Variants in TRAPPC9 observed in about 807,000 individuals in gnomAD.
The protein encoded by TRAPPC9 is IKK2 binding protein.
TRAPPC9 carries 83 observed loss-of-function variants against 124.0 expected under a neutral mutation model. That is an observed-to-expected ratio of 0.67 (90% CI 0.56 to 0.80). The LOEUF (loss-of-function observed/expected upper bound fraction) is 0.80, where lower values mean the gene tolerates loss of function less well. TRAPPC9 is among the 30% of genes least tolerant of loss of function. The pLI, the probability that TRAPPC9 is intolerant of heterozygous loss-of-function variation, is 0.00. For missense variants in TRAPPC9, 1,302 were observed against 1,508.3 expected (o/e 0.86, Z 2.27); for synonymous variants, 638 against 617.5 (o/e 1.03, Z -0.49).
chr8:140,165,964 C>T (rs1357263300), intron 17 of TRAPPC9, among the ~76,000 whole-genome samples: 1 of 152,150 alleles, frequency 6.6e-6, no homozygotes, highest in African/African-American at 2.4e-5. Context: ...CATGATCCTG[C>T]CTCCCTCGAT....
rs2067437682 is a variant in TRAPPC9 at position 140,349,001 on chromosome 8, C to T, written c.1495+11049G>A. Reference sequence around the variant, plus strand: ...ACTGTTGACAGACAGAAAAAGAGGACAGGAAATGACTCCTGCTTTGGAAAC... The same window carrying T: ...ACTGTTGACAGACAGAAAAAGAGGATAGGAAATGACTCCTGCTTTGGAAAC... On this transcript the variant is annotated intron_variant, in intron 9 of 22. Coordinates refer to ENST00000438773, the MANE Select transcript of TRAPPC9 (RefSeq NM_001160372.4). Among the ~76,000 whole-genome samples the T allele has an allele frequency of 2.0e-5, 3 of 149,416 alleles. No homozygotes were observed. The Admixed American group carries it at 2.0e-4, about 10-fold the overall frequency.
chr8:139,972,675 T>G (rs1187786957), intron 19 of TRAPPC9, among the ~76,000 whole-genome samples: 2 of 152,178 alleles, frequency 1.3e-5, no homozygotes, highest in African/African-American at 4.8e-5. Context: ...ACAGGTGCTG[T>G]GGCCAAAGTA....
At chr8:140,457,878 G>A (rs1050968517), upstream of TRAPPC9, 1 of 1,051,560 alleles carries the variant, frequency 9.5e-7, no homozygotes, top group Non-Finnish European at 1.2e-6. Flanking sequence ...GGAGGAGCGA[G>A]GGAGAGAAGA....
intron 17 of TRAPPC9, among the ~76,000 whole-genome samples, chr8:140,103,270 C>A (rs1424288307): frequency 2.6e-5 from 4 of 152,166 alleles, no homozygotes; most frequent in Admixed American, 1.3e-4. Context: ...ATTATCGGGG[C>A]AAATATTTAC....
chr8:140,146,771 T>C (rs910083303), intron 17 of TRAPPC9, among the ~76,000 whole-genome samples: 2 of 150,778 alleles, frequency 1.3e-5, no homozygotes, highest in Non-Finnish European at 1.5e-5. Flanking sequence ...CAGTGTCCCA[T>C]GGGCCAGGCT....
rs903235417 is a variant in TRAPPC9, at chr8:140,391,774, C to A, written c.1134+5846G>T. ...GGGCATGGTGGCTCACGCCTGTAATCCCAGCACTTTGGGAGGCCAAGGCAG... is the reference window on the plus strand; with the variant it reads ...GGGCATGGTGGCTCACGCCTGTAATACCAGCACTTTGGGAGGCCAAGGCAG... On this transcript the variant is annotated intron_variant, in intron 7 of 22. Transcript: ENST00000438773. 2.0e-4 allele frequency among the ~76,000 whole-genome samples: 30 copies of A among 150,748 alleles called. 1 individual carries two copies. Among genetic ancestry groups the A allele is most frequent in the African/African-American group, 7.1e-4 (29 of 40,946 alleles).
chr8:140,328,327 A>G (rs558680732), intron 9 of TRAPPC9, among the ~76,000 whole-genome samples: 82 of 152,188 alleles, frequency 5.4e-4, no homozygotes, highest in Non-Finnish European at 7.3e-4. Context: ...ACAAGCTCAA[A>G]AAAAGGAAAA....
At chr8:140,424,551 G>T (rs1391132888) in intron 5 of TRAPPC9, among the ~76,000 whole-genome samples, 1 of 151,266 alleles carries the variant, frequency 6.6e-6, no homozygotes, top group African/African-American at 2.4e-5. Flanking sequence ...TGGCAGAATT[G>T]CCTGGAGTTC....
chr8:139,976,053 G>A (rs542292788), intron 19 of TRAPPC9, among the ~76,000 whole-genome samples: 8 of 144,842 alleles, frequency 5.5e-5, no homozygotes, highest in African/African-American at 1.3e-4. Flanking sequence ...CACCTCGCCC[G>A]GCTAATTTTT....
chr8:140,088,916 C>T (rs568716189), intron 17 of TRAPPC9, among the ~76,000 whole-genome samples: 17 of 152,284 alleles, frequency 1.1e-4, no homozygotes, highest in Non-Finnish European at 1.9e-4. Context: ...TCTTTCTCAG[C>T]ACACGTAAAT....
At chr8:139,746,912 G>C (rs1818933613) in intron 21 of TRAPPC9, among the ~76,000 whole-genome samples, 2 of 152,198 alleles carry the variant, frequency 1.3e-5, no homozygotes, top group African/African-American at 4.8e-5. Flanking sequence ...GGCTCATGGA[G>C]ACAATGACTA....
chr8:139,757,687 A>C (rs1038612253), intron 21 of TRAPPC9, among the ~76,000 whole-genome samples: 3 of 152,022 alleles, frequency 2.0e-5, no homozygotes, highest in African/African-American at 7.3e-5. Context: ...GGCATCATTC[A>C]CTTCTGACGC....
chr8:139,779,785 A>C (rs908872050), intron 21 of TRAPPC9, among the ~76,000 whole-genome samples: 6 of 140,524 alleles, frequency 4.3e-5, no homozygotes, highest in Non-Finnish European at 8.9e-5. Flanking sequence ...AAGAATTGAC[A>C]AAAAAAACCC....
intron 2 of TRAPPC9, among the ~76,000 whole-genome samples, chr8:140,444,429 C>T (rs1361788070): frequency 6.6e-6 from 1 of 152,132 alleles, no homozygotes; most frequent in Non-Finnish European, 1.5e-5. Flanking sequence ...GGGACTCCAT[C>T]CTGCTGCCAG....
At position 140,309,403 on chromosome 8, in the gene TRAPPC9, C is replaced by A. The variant is rs138776342; in HGVS notation, c.1622+1845G>T. Among the ~76,000 whole-genome samples the A allele has an allele frequency of 4.9e-3, 743 of 152,344 alleles. 4 individuals carry two copies. Among genetic ancestry groups the A allele is most frequent in the Non-Finnish European group, 6.6e-3 (449 of 68,040 alleles). ...CACACAAGTGAGAGTGAACCCAGGGCCTCTCGCTTAACTCCAGGGCTGCCT... is the reference window on the plus strand; with the variant it reads ...CACACAAGTGAGAGTGAACCCAGGGACTCTCGCTTAACTCCAGGGCTGCCT... On this transcript the variant is annotated intron_variant, in intron 10 of 22. Transcript: ENST00000438773.
At chr8:139,973,270 G>A (rs1177280283) in intron 19 of TRAPPC9, among the ~76,000 whole-genome samples, 4 of 152,182 alleles carry the variant, frequency 2.6e-5, no homozygotes, top group Admixed American at 6.5e-5. Flanking sequence ...GTCAGGCCCC[G>A]CACCGTATCA....
chr8:139,926,784 G>C (rs1289591901), intron 19 of TRAPPC9, among the ~76,000 whole-genome samples: 3 of 152,070 alleles, frequency 2.0e-5, no homozygotes, highest in African/African-American at 7.2e-5. Flanking sequence ...TAACTGGGGA[G>C]AGGGTAAGTT....
intron 17 of TRAPPC9, among the ~76,000 whole-genome samples, chr8:140,219,760 G>T (rs908839389): frequency 6.6e-6 from 1 of 152,192 alleles, no homozygotes; most frequent in Non-Finnish European, 1.5e-5. Context: ...GTCCCACAAC[G>T]CTGGAAACCT....
chr8:140,329,735 G>A (rs1215565490), intron 9 of TRAPPC9, among the ~76,000 whole-genome samples: 1 of 152,100 alleles, frequency 6.6e-6, no homozygotes, highest in East Asian at 1.9e-4. Context: ...GCTTGGAAAG[G>A]TCATGTTACT....
Sources: allele counts gnomAD v4.1 joint callset (sites outside exome capture counted in the v4.1 genomes callset), GRCh38; gene constraint gnomAD v4.1.1; transcripts MANE v1.5; gene names NCBI Gene and HGNC (gene_info 2026-07-23, HGNC 2026-07-21).